SPEF2: variants seen among roughly 807,000 people sequenced by gnomAD.
The protein encoded by SPEF2 is sperm flagella and cilia-associated protein 2.
Under a neutral mutation model 224.6 loss-of-function variants are expected in SPEF2, and 187 were observed. The ratio of observed to expected loss-of-function variants is 0.83; its 90% CI spans 0.74 to 0.94. SPEF2 has a LOEUF of 0.94. Among genes scored for constraint, SPEF2 ranks in the 40% least tolerant of loss-of-function variants. The pLI is 0.00. For missense variants in SPEF2, 2,170 were observed against 2,135.6 expected, an observed-to-expected ratio of 1.02 and a Z score of -0.32; for synonymous variants, 715 against 707.3, an observed-to-expected ratio of 1.01 and a Z score of -0.17.
intron 30 of SPEF2, chr5:35,788,627 CTT>C: frequency 1.4e-6 from 1 of 702,964 alleles, no homozygotes; most frequent in Admixed American, 2.0e-5. Flanking sequence ...AAATCTTCAA[CTT>C]AGACTGTCGA....
At chr5:35,756,587 G>A (rs971746035) in intron 24 of SPEF2, among the ~76,000 whole-genome samples, 14 of 152,172 alleles carry the variant, frequency 9.2e-5, no homozygotes, top group Non-Finnish European at 1.5e-5. Flanking sequence ...GCAAAAGTTC[G>A]CACATGGTTT....
At chr5:35,788,206 G>A (rs1453927132) in intron 30 of SPEF2, 1 of 702,854 alleles carries the variant, frequency 1.4e-6, no homozygotes, top group Non-Finnish European at 2.6e-6. Flanking sequence ...CCAAACTAAT[G>A]ATGAGGACCA....
intron 26 of SPEF2, chr5:35,764,900 A>G (rs988739791): frequency 5.5e-6 from 2 of 360,592 alleles, no homozygotes; most frequent in Admixed American, 3.8e-5. Flanking sequence ...TTCGAAAAAC[A>G]TTTTAGTATG....
intron 2 of SPEF2, among the ~76,000 whole-genome samples, chr5:35,637,612 C>A (rs1746021190): frequency 6.6e-6 from 1 of 152,134 alleles, no homozygotes. Context: ...CACTGTCATA[C>A]CAAATAAACC....
intron 8 of SPEF2, 150 bp downstream of exon 8, chr5:35,659,357 T>C (rs754324416): frequency 4.1e-6 from 3 of 730,362 alleles, no homozygotes; most frequent in Non-Finnish European, 6.5e-6. Flanking sequence ...TTTATTTTTG[T>C]ATAACTCCAT....
chr5:35,636,863 C>A (rs1274937735), intron 2 of SPEF2, among the ~76,000 whole-genome samples: 1 of 151,396 alleles, frequency 6.6e-6, no homozygotes, highest in African/African-American at 2.4e-5. Context: ...GTATTCCCAG[C>A]TACTCAGGAG....
At chr5:35,724,117 G>A (rs900675071) in intron 20 of SPEF2, among the ~76,000 whole-genome samples, 6 of 152,104 alleles carry the variant, frequency 3.9e-5, no homozygotes, top group African/African-American at 1.2e-4. Flanking sequence ...ATTTTACCAT[G>A]TCAAAGATGA....
chr5:35,634,740 TAA>T (rs1371379511), intron 2 of SPEF2, among the ~76,000 whole-genome samples: 2 of 152,100 alleles, frequency 1.3e-5, no homozygotes, highest in Non-Finnish European at 2.9e-5. Flanking sequence ...ATCATTGACA[TAA>T]TACAGAGATT....
rs781736327 is a variant in SPEF2, at chr5:35,806,807, A to G, written c.5111A>G (p.Glu1704Gly). The G allele has an allele frequency of 2.5e-5, 40 of 1,613,924 alleles. No homozygotes were observed. Among genetic ancestry groups the G allele is most frequent in the Non-Finnish European group, 3.3e-5 (39 of 1,179,966 alleles). The change falls in exon 35 of 37, where the codon GAA becomes GGA. Residue 1704 changes from glutamate to glycine, a missense_variant. Transcript: ENST00000356031. Reference protein sequence around the residue: ...RKLKDDTEKREQKDEEIPENA... With the variant: ...RKLKDDTEKRGQKDEEIPENA... ...TTAAAAGACGACACGGAGAAAAGGG[A>G]ACAGAAGGATGAAGAAATCCCTGAA...
intron 7 of SPEF2, among the ~76,000 whole-genome samples, chr5:35,657,074 G>T (rs945203665): frequency 4.6e-5 from 7 of 152,138 alleles, no homozygotes; most frequent in African/African-American, 1.7e-4. Context: ...TATATGTCAG[G>T]GCTAGGAATT....
intron 34 of SPEF2, among the ~76,000 whole-genome samples, chr5:35,804,890 T>TA (rs1757873992): frequency 6.6e-6 from 1 of 152,186 alleles, no homozygotes; most frequent in Non-Finnish European, 1.5e-5. Flanking sequence ...TATGTTTATC[T>TA]TGGGTACACA....
At chr5:35,744,867 C>T (rs1030666117) in intron 23 of SPEF2, among the ~76,000 whole-genome samples, 2 of 152,126 alleles carry the variant, frequency 1.3e-5, no homozygotes, top group Non-Finnish European at 2.9e-5. Flanking sequence ...ATTTTAGCTC[C>T]AGATCAACTG....
chr5:35,729,273 G>T (rs977103073), intron 21 of SPEF2, among the ~76,000 whole-genome samples: 1 of 152,090 alleles, frequency 6.6e-6, no homozygotes, highest in South Asian at 2.1e-4. Flanking sequence ...GACAGCTGGG[G>T]GTCACTATGG....
chr5:35,799,658 T>C (rs1007114612), intron 33 of SPEF2, among the ~76,000 whole-genome samples: 2 of 152,174 alleles, frequency 1.3e-5, no homozygotes, highest in Non-Finnish European at 2.9e-5. Flanking sequence ...GATGGGTCCT[T>C]GTGCTTGTGG....
intron 18 of SPEF2, among the ~76,000 whole-genome samples, chr5:35,707,461 G>C (rs191425747): frequency 1.3e-5 from 2 of 152,226 alleles, no homozygotes; most frequent in East Asian, 3.9e-4. Flanking sequence ...CACTTCAAAA[G>C]AACATCTAAT....
At position 35,644,531 on chromosome 5, in the gene SPEF2, A is replaced by G. The variant is rs1032550744; in HGVS notation, c.585+6A>G. 6.3e-7 allele frequency: 1 copy of G among 1,584,326 alleles called. No individual in the cohort carries two copies. The highest frequency in any genetic ancestry group is 1.4e-5 in the African/African-American group (1 of 73,134). ...GATGTTTTGATATTGAAAAGGTTCT[A>G]TAGAACTATTTTTTCAGAAATTCAT... On this transcript the variant is annotated splice_donor_region_variant and intron_variant, in intron 4 of 36. Coordinates refer to ENST00000356031, the MANE Select transcript of SPEF2 (RefSeq NM_024867.4).
intron 19 of SPEF2, chr5:35,709,583 T>C (rs1740689229): frequency 1.0e-6 from 1 of 986,166 alleles, no homozygotes; most frequent in Non-Finnish European, 1.2e-6. Context: ...TAATTGTAAA[T>C]CTTCAGGACT....
In SPEF2 at chr5:35,692,734, A is replaced by G. The variant is rs1191033857; in HGVS notation, c.1899+10A>G. The G allele has an allele frequency of 6.2e-6, 10 of 1,609,526 alleles. No homozygotes were observed. The highest frequency in any genetic ancestry group is 1.7e-5 in the Admixed American group (1 of 58,832). ...GATTAAAGAAAGCCAGGCAAGTGTGATTCTAGTTTTCTCTTCTGCGCCTAG... is the reference window on the plus strand; with the variant it reads ...GATTAAAGAAAGCCAGGCAAGTGTGGTTCTAGTTTTCTCTTCTGCGCCTAG... On this transcript the variant is annotated intron_variant, in intron 12 of 36. Transcript: ENST00000356031.
intron 33 of SPEF2, among the ~76,000 whole-genome samples, chr5:35,797,562 G>C (rs1178839228): frequency 6.6e-6 from 1 of 152,036 alleles, no homozygotes; most frequent in East Asian, 1.9e-4. Context: ...ATCCCTCTCT[G>C]GTGGGGCTGT....
Sources: allele counts gnomAD v4.1 joint callset (sites outside exome capture counted in the v4.1 genomes callset), GRCh38; gene constraint gnomAD v4.1.1; transcripts MANE v1.5; gene names NCBI Gene and HGNC (gene_info 2026-07-23, HGNC 2026-07-21).